KCNK2: variants seen among roughly 807,000 people sequenced by gnomAD.
KCNK2 encodes potassium two pore domain channel subfamily K member 2, also known as potassium channel subfamily K member 2.
Under a neutral mutation model 40.5 loss-of-function variants are expected in KCNK2, and 21 were observed. The ratio of observed to expected loss-of-function variants is 0.52; its 90% CI spans 0.37 to 0.75. The LOEUF is 0.75. KCNK2 is among the 30% of genes least tolerant of loss of function. KCNK2 has a pLI of 0.00. For synonymous variants in KCNK2, 191 were observed against 202.2 expected (o/e 0.94, Z 0.47); for missense variants, 399 against 531.6 (o/e 0.75, Z 2.45).
Position 215,235,033 on chromosome 1 carries a change from C to A in KCNK2, c.1169C>A (p.Thr390Asn). ...CRRTLSVNHL[T>N]SERDVLPPLL... ...AGGACCCTGTCAGTGAACCACCTGACCAGCGAGAGGGATGTCTTGCCTCCC... is the reference window on the plus strand; with the variant it reads ...AGGACCCTGTCAGTGAACCACCTGAACAGCGAGAGGGATGTCTTGCCTCCC... The change falls in exon 7 of 7, where the codon ACC (threonine) becomes AAC (asparagine). Residue 390 changes from threonine to asparagine, a missense_variant. Physicochemically the swap from Thr to Asn is moderately conservative, Grantham distance 65. Around this residue, in one of 3 missense-constraint regions of KCNK2, gnomAD observed 103 missense variants for 124.3 expected, o/e 0.83. Transcript: ENST00000444842. 6.2e-7 allele frequency: 1 copy of A among 1,614,018 alleles called. No homozygotes were observed. Among genetic ancestry groups the A allele is most frequent in the Non-Finnish European group, 8.5e-7 (1 of 1,179,982 alleles).
intron 6 of KCNK2, among the ~76,000 whole-genome samples, chr1:215,207,633 G>A (rs1665373192): frequency 6.6e-6 from 1 of 152,186 alleles, no homozygotes; most frequent in African/African-American, 2.4e-5. Context: ...GCTCACCAAA[G>A]TAGTCACTTT....
intron 3 of KCNK2, among the ~76,000 whole-genome samples, chr1:215,143,079 C>T (rs144803713): frequency 4.6e-5 from 7 of 152,194 alleles, no homozygotes; most frequent in Non-Finnish European, 8.8e-5. Context: ...GGTGCGAAGA[C>T]GAAGTGTGAT....
intron 3 of KCNK2, among the ~76,000 whole-genome samples, chr1:215,130,594 G>C (rs1333555466): frequency 6.6e-6 from 1 of 152,108 alleles, no homozygotes; most frequent in African/African-American, 2.4e-5. Context: ...CTCTTAATCT[G>C]TAGGTCTGGA....
chr1:215,070,007 A>G (rs1348370018), intron 1 of KCNK2, among the ~76,000 whole-genome samples: 1 of 152,202 alleles, frequency 6.6e-6, no homozygotes, highest in Non-Finnish European at 1.5e-5. Context: ...AAATATTTGC[A>G]TACTCATGAT....
chr1:215,034,440 T>C (rs1269055432), intron 1 of KCNK2, among the ~76,000 whole-genome samples: 1 of 152,098 alleles, frequency 6.6e-6, no homozygotes, highest in Non-Finnish European at 1.5e-5. Context: ...GGTTCAATAG[T>C]AAGAATGGAG....
At chr1:215,142,376 A>G (rs1046594983) in intron 3 of KCNK2, among the ~76,000 whole-genome samples, 1 of 152,174 alleles carries the variant, frequency 6.6e-6, no homozygotes, top group Non-Finnish European at 1.5e-5. Context: ...TGGTTGGAGT[A>G]CATAATCTAG....
At chr1:215,035,585 T>A (rs577196306) in intron 1 of KCNK2, among the ~76,000 whole-genome samples, 4 of 152,186 alleles carry the variant, frequency 2.6e-5, no homozygotes, top group African/African-American at 9.6e-5. Context: ...GTTACACAAA[T>A]CACCTGAGTA....
chr1:215,105,962 A>G (rs979618909), intron 2 of KCNK2, among the ~76,000 whole-genome samples: 4 of 152,218 alleles, frequency 2.6e-5, no homozygotes, highest in Admixed American at 1.3e-4. Context: ...CATGGTGTAT[A>G]TGTACCACAT....
intron 1 of KCNK2, among the ~76,000 whole-genome samples, chr1:215,068,029 T>C (rs932410696): frequency 6.6e-6 from 1 of 151,936 alleles, no homozygotes; most frequent in South Asian, 2.1e-4. Context: ...TCCAAGTCTG[T>C]TGTCTTTATG....
chr1:215,186,087 G>T (rs1571707162), intron 5 of KCNK2, among the ~76,000 whole-genome samples: 4 of 152,252 alleles, frequency 2.6e-5, no homozygotes. Context: ...TGTCCCCAGG[G>T]AATGAGCAAG....
chr1:215,091,492 A>G (rs1365543305), intron 2 of KCNK2, among the ~76,000 whole-genome samples: 1 of 152,254 alleles, frequency 6.6e-6, no homozygotes, highest in Non-Finnish European at 1.5e-5. Context: ...AAACAAAACA[A>G]AACATTGTTT....
chr1:215,038,874 AT>A (rs1657470873), intron 1 of KCNK2, among the ~76,000 whole-genome samples: 1 of 151,914 alleles, frequency 6.6e-6, no homozygotes, highest in South Asian at 2.1e-4. Context: ...TTCTAAGGTC[AT>A]TTACATAAAA....
In KCNK2 at chr1:215,162,820, T is replaced by C. The variant is rs979715364; in HGVS notation, c.476-6379T>C. On this transcript the variant is annotated intron_variant, in intron 3 of 6. Coordinates refer to ENST00000444842, the MANE Select transcript of KCNK2 (RefSeq NM_001017425.3). ...GGTACCAGTACCATGCTGTTTTGGTTACTATAGCCTTGCAGTATAGTTTGA... is the reference window on the plus strand; with the variant it reads ...GGTACCAGTACCATGCTGTTTTGGTCACTATAGCCTTGCAGTATAGTTTGA... Among the ~76,000 whole-genome samples the C allele has an allele frequency of 6.3e-4, 95 of 151,916 alleles. 1 individual carries two copies. The highest frequency in any genetic ancestry group is 2.2e-3 in the African/African-American group (93 of 41,518).
At position 215,083,198 on chromosome 1, in the gene KCNK2, C is replaced by CCCCCCCCCCCCT; in HGVS notation, c.-183_-182insCCCCCCTCCCCC. 4 of 603,080 alleles carry CCCCCCCCCCCCT rather than the reference C, an allele frequency of 6.6e-6. No homozygotes were observed. The highest frequency in any genetic ancestry group is 3.2e-5 in the South Asian group (2 of 61,966). The allele number at this position is 603,080 out of a possible 1,614,324, so 37.4% of individuals were successfully genotyped here. A position where few individuals can be genotyped will look rare whatever the true frequency, so the allele number is the denominator to read the frequency against. On this transcript the variant is annotated 5_prime_UTR_variant, in exon 1 of 7. Transcript: ENST00000444842. Reference sequence around the variant, plus strand: ...CGATTTCGTTTCTTCTCACGCTCCCCCCCCCGCCCCCTCCCGCGTCCAGCC... The same window carrying CCCCCCCCCCCCT: ...CGATTTCGTTTCTTCTCACGCTCCCCCCCCCCCCCCCTCCCCCGCCCCCTCCCGCGTCCAGCC...
chr1:215,210,231 G>T (rs575105831), intron 6 of KCNK2, among the ~76,000 whole-genome samples: 1 of 150,418 alleles, frequency 6.6e-6, no homozygotes, highest in South Asian at 2.1e-4. Context: ...GCTCTCATTT[G>T]TGTCATTTCT....
At chr1:215,129,707 C>T (rs1397640048) in intron 3 of KCNK2, among the ~76,000 whole-genome samples, 2 of 151,818 alleles carry the variant, frequency 1.3e-5, no homozygotes, top group African/African-American at 2.4e-5. Flanking sequence ...GAAGGGGAGC[C>T]GGAGAAAGAA....
intron 3 of KCNK2, among the ~76,000 whole-genome samples, chr1:215,152,050 T>A (rs1414167304): frequency 5.3e-5 from 8 of 152,186 alleles, no homozygotes. Flanking sequence ...CATTCTTTTG[T>A]TCACACTCCT....
At chr1:215,230,860 A>G (rs1440745361) in intron 6 of KCNK2, among the ~76,000 whole-genome samples, 8 of 150,116 alleles carry the variant, frequency 5.3e-5, no homozygotes, top group African/African-American at 2.0e-4. Flanking sequence ...CAGAAATGAG[A>G]AAAAAAAAGT....
Position 215,006,049 on chromosome 1 carries a change from G to T in KCNK2, c.34+94G>T, listed in dbSNP as rs1200236387. 1.4e-5 allele frequency: 15 copies of T among 1,053,142 alleles called. No individual in the cohort carries two copies. In the Admixed American group the frequency reaches 2.3e-4, roughly 16 times the overall value. The allele number at this position is 1,053,142 out of a possible 1,614,324, so 65.2% of individuals were successfully genotyped here. A position where few individuals can be genotyped will look rare whatever the true frequency, so the allele number is the denominator to read the frequency against. On this transcript the variant is annotated intron_variant, in intron 1 of 6. Transcript: ENST00000391895. Reference sequence around the variant, plus strand: ...TCCAAGCAAGTATTTGATGTAAGGAGTCTTCATTATATGAAAGTCTATAAT... The same window carrying T: ...TCCAAGCAAGTATTTGATGTAAGGATTCTTCATTATATGAAAGTCTATAAT...
Sources: allele counts gnomAD v4.1 joint callset (sites outside exome capture counted in the v4.1 genomes callset), GRCh38; gene constraint gnomAD v4.1.1; regional missense constraint gnomAD v4.1.1; transcripts MANE v1.5; gene names NCBI Gene and HGNC (gene_info 2026-07-23, HGNC 2026-07-21).